APP: variants seen among roughly 807,000 people sequenced by gnomAD.
APP encodes the protein amyloid-beta precursor protein.
Under a neutral mutation model 101.4 loss-of-function variants are expected in APP, and 31 were observed. The observed-to-expected ratio is 0.31, with a 90% CI of 0.23 to 0.41. APP has a LOEUF of 0.41. Among genes scored for constraint, APP ranks in the 10% least tolerant of loss-of-function variants. The pLI is 1.00. For synonymous variants in APP, 366 were observed against 364.4 expected (o/e 1.00, Z -0.05); for missense variants, 839 against 1,003.7 (o/e 0.84, Z 2.22).
chr21:25,885,032 C>T (rs2037234223), intron 17 of APP, among the ~76,000 whole-genome samples: 1 of 152,256 alleles, frequency 6.6e-6, no homozygotes, highest in South Asian at 2.1e-4. Context: ...AATCCTATTA[C>T]CTTTTGCCAC....
intron 11 of APP, among the ~76,000 whole-genome samples, chr21:25,965,989 C>T (rs1294583290): frequency 6.6e-6 from 1 of 152,126 alleles, no homozygotes; most frequent in Non-Finnish European, 1.5e-5. Context: ...GAGCAGTGCT[C>T]CACTGTGGAG....
intron 5 of APP, among the ~76,000 whole-genome samples, chr21:26,038,791 T>G (rs777770263): frequency 2.0e-5 from 3 of 152,074 alleles, no homozygotes; most frequent in Non-Finnish European, 4.4e-5. Context: ...CCCATGCTGC[T>G]GGCCTGCTCC....
intron 11 of APP, among the ~76,000 whole-genome samples, chr21:25,959,532 T>C (rs549249879): frequency 3.3e-4 from 51 of 152,248 alleles, no homozygotes; most frequent in Non-Finnish European, 6.5e-4. Flanking sequence ...TTCTAGTTTT[T>C]ACAAGTGCAG....
At chr21:26,014,847 C>T (rs1254763732) in intron 6 of APP, among the ~76,000 whole-genome samples, 1 of 152,186 alleles carries the variant, frequency 6.6e-6, no homozygotes, top group Non-Finnish European at 1.5e-5. Context: ...AACCTTTTAG[C>T]TTTTATCATC....
At position 26,119,685 on chromosome 21, in the gene APP, A is replaced by AACAC. The variant is rs5843212; in HGVS notation, c.58-7543_58-7540dup. Among the ~76,000 whole-genome samples, 888 of 150,410 alleles carry AACAC rather than the reference A, an allele frequency of 5.9e-3. 4 individuals are homozygous for AACAC. Among genetic ancestry groups the AACAC allele is most frequent in the Middle Eastern group, 0.034 (10 of 290 alleles). ...GGTATGTAGTGGGAGTGCTAGAATG[A>AACAC]ACACACACACACACACACACATATA... On this transcript the variant is annotated intron_variant, in intron 1 of 17. Transcript: ENST00000346798.
intron 1 of APP, among the ~76,000 whole-genome samples, chr21:26,136,603 G>A (rs2062923721): frequency 6.6e-6 from 1 of 152,166 alleles, no homozygotes; most frequent in East Asian, 1.9e-4. Context: ...TTAAGGAGCA[G>A]TGTATTTACC....
intron 13 of APP, among the ~76,000 whole-genome samples, chr21:25,949,347 A>G (rs1399930971): frequency 6.6e-6 from 1 of 152,176 alleles, no homozygotes; most frequent in Admixed American, 6.5e-5. Flanking sequence ...ACCATGTTGT[A>G]AAATTTTATT....
At chr21:26,057,129 C>T (rs1287418987) in intron 3 of APP, among the ~76,000 whole-genome samples, 1 of 152,140 alleles carries the variant, frequency 6.6e-6, no homozygotes, top group Non-Finnish European at 1.5e-5. Context: ...TTTTTAAAAA[C>T]AAAGTTTATT....
chr21:25,995,783 C>T (rs1373121997), intron 8 of APP, among the ~76,000 whole-genome samples: 2 of 152,158 alleles, frequency 1.3e-5, no homozygotes, highest in Admixed American at 6.5e-5. Flanking sequence ...AAACCACATC[C>T]TTCAAAAGTT....
At chr21:25,958,716 C>G (rs926609251) in intron 11 of APP, among the ~76,000 whole-genome samples, 1 of 152,192 alleles carries the variant, frequency 6.6e-6, no homozygotes, top group Non-Finnish European at 1.5e-5. Flanking sequence ...CAGAATGATG[C>G]GTAGTCCATT....
At chr21:25,901,398 C>CA (rs34245275) in intron 15 of APP, among the ~76,000 whole-genome samples, 92,100 of 147,442 alleles carry the variant, frequency 0.62, 31,644 homozygotes, top group Middle Eastern at 0.8. Flanking sequence ...TTTGGTGGTC[C>CA]AAAAAAAAAA....
chr21:26,029,090 A>C (rs1240384734), intron 5 of APP, among the ~76,000 whole-genome samples: 1 of 152,086 alleles, frequency 6.6e-6, no homozygotes, highest in Non-Finnish European at 1.5e-5. Context: ...ACGTTCAGCA[A>C]AAACAACAAA....
chr21:26,138,299 A>T (rs1195181981), intron 1 of APP, among the ~76,000 whole-genome samples: 2 of 152,096 alleles, frequency 1.3e-5, no homozygotes, highest in African/African-American at 4.8e-5. Flanking sequence ...TAACATAATA[A>T]GTTTTAAAAT....
intron 3 of APP, among the ~76,000 whole-genome samples, chr21:26,059,987 G>C (rs1206964852): frequency 6.7e-6 from 1 of 150,252 alleles, no homozygotes; most frequent in Non-Finnish European, 1.5e-5. Flanking sequence ...TGGCAGAACT[G>C]GGAGAATTAA....
intron 5 of APP, among the ~76,000 whole-genome samples, chr21:26,042,816 T>G (rs1479104159): frequency 6.6e-6 from 1 of 151,986 alleles, no homozygotes; most frequent in African/African-American, 2.4e-5. Context: ...TTTGGGAGGC[T>G]GAGGCAGGAG....
At chr21:25,991,416 C>T (rs527820169) in intron 8 of APP, among the ~76,000 whole-genome samples, 1 of 152,112 alleles carries the variant, frequency 6.6e-6, no homozygotes, top group Non-Finnish European at 1.5e-5. Flanking sequence ...TCGCTCTTGT[C>T]CCCCAGGCTG....
At chr21:25,961,759 T>C (rs765895660) in intron 11 of APP, among the ~76,000 whole-genome samples, 6 of 152,310 alleles carry the variant, frequency 3.9e-5, no homozygotes, top group Non-Finnish European at 5.9e-5. Context: ...CCCTCTGTTA[T>C]CTCTATAGAA....
chr21:25,901,409 A>AC (rs398121545), intron 15 of APP, among the ~76,000 whole-genome samples: 1 of 151,670 alleles, frequency 6.6e-6, no homozygotes, highest in East Asian at 1.9e-4. Context: ...AAAAAAAAAA[A>AC]TTCATATTAT....
chr21:25,972,277 G>A (rs1368867477), intron 11 of APP, among the ~76,000 whole-genome samples: 1 of 151,946 alleles, frequency 6.6e-6, no homozygotes, highest in African/African-American at 2.4e-5. Flanking sequence ...TGATACCATG[G>A]CATATCAAAA....
Sources: gnomAD v4.1 joint callset for allele counts (sites outside exome capture counted in the v4.1 genomes callset) on GRCh38, gnomAD v4.1.1 for gene constraint, MANE v1.5 for transcripts, NCBI Gene and HGNC (gene_info 2026-07-23, HGNC 2026-07-21) for gene names.